The following ASTN1 variants were observed in gnomAD, a reference collection of about 807,000 sequenced individuals.
ASTN1 encodes astrotactin 1, also known as astrotactin-1.
Under a neutral mutation model 140.7 loss-of-function variants are expected in ASTN1, and 41 were observed. The observed-to-expected ratio is 0.29, with a 90% confidence interval of 0.23 to 0.38. ASTN1 has a LOEUF of 0.38. Ranked by LOEUF, ASTN1 falls within the 10% of genes least tolerant of loss-of-function variation. The pLI, the probability that ASTN1 is intolerant of heterozygous loss-of-function variation, is 1.00. For synonymous variants in ASTN1, 640 were observed against 652.2 expected, an observed-to-expected ratio of 0.98 and a Z score of 0.29; for missense variants, 1,479 against 1,678.8, an observed-to-expected ratio of 0.88 and a Z score of 2.08.
chr1:176,978,753 G>T (rs1303249699), intron 8 of ASTN1, among the ~76,000 whole-genome samples: 1 of 152,134 alleles, frequency 6.6e-6, no homozygotes, highest in Non-Finnish European at 1.5e-5. Flanking sequence ...ACATTTAGAA[G>T]AGAGGCAAGT....
In ASTN1 at chr1:177,151,661, T is replaced by C. The variant is rs371503202; in HGVS notation, c.283+12733A>G. On this transcript the variant is annotated intron_variant, in intron 1 of 22. Transcript: ENST00000361833. ...TTGCCTGAGAGAGAATAAGCTTTTC[T>C]TCTTTAAGTCACTTCCTAAGAACTC... 4.6e-5 allele frequency among the ~76,000 whole-genome samples: 7 copies of C among 152,310 alleles called. No homozygotes were observed. In the East Asian group the frequency reaches 1.2e-3, roughly 25 times the overall value.
intron 8 of ASTN1, among the ~76,000 whole-genome samples, chr1:177,000,180 T>C (rs10913287): frequency 0.35 from 52,806 of 152,106 alleles, 9,978 homozygotes; most frequent in Non-Finnish European, 0.43. Flanking sequence ...TTTGCCTTTT[T>C]GACAACAGTT....
Position 177,164,604 on chromosome 1 carries a change from C to T in ASTN1, c.73G>A (p.Gly25Ser), listed in dbSNP as rs1479849947. 6.2e-7 allele frequency: 1 copy of T among 1,611,854 alleles called. No individual in the cohort carries two copies. Among genetic ancestry groups the T allele is most frequent in the East Asian group, 2.2e-5 (1 of 44,756 alleles). The change falls in exon 1 of 23, where the codon GGC (glycine) becomes AGC (serine). Residue 25 changes from glycine (G) to serine (S), a missense_variant. Physicochemically the swap from Gly to Ser is moderately conservative, Grantham distance 56 (BLOSUM62 0). This residue lies in a region of ASTN1 where 729 missense variants were observed against 860.4 expected (regional missense o/e 0.85). Transcript: ENST00000361833. Reference sequence around the variant, plus strand: ...AGCTCCTTGGATGGATCCACGTCGCCGGCGGCCGTGGCCAGCACCGCCGCC... The same window carrying T: ...AGCTCCTTGGATGGATCCACGTCGCTGGCGGCCGTGGCCAGCACCGCCGCC... ...GPAAVLATAA[G>S]DVDPSKELEC...
chr1:177,129,509 C>A (rs1404964188), intron 1 of ASTN1, among the ~76,000 whole-genome samples: 1 of 152,092 alleles, frequency 6.6e-6, no homozygotes, highest in Non-Finnish European at 1.5e-5. Context: ...GGCTGAATAT[C>A]TTTGTTTAGC....
intron 7 of ASTN1, among the ~76,000 whole-genome samples, chr1:177,018,303 A>T (rs1400379659): frequency 6.6e-6 from 1 of 152,172 alleles, no homozygotes; most frequent in Non-Finnish European, 1.5e-5. Flanking sequence ...CAAAATCGGG[A>T]CTGAGCTACC....
chr1:176,985,845 T>TAC (rs60769752), intron 8 of ASTN1, among the ~76,000 whole-genome samples: 15,218 of 129,602 alleles, frequency 0.12, 935 homozygotes, highest in Middle Eastern at 0.15. Flanking sequence ...TCTCTCTCTC[T>TAC]ACACACACAC....
intron 1 of ASTN1, among the ~76,000 whole-genome samples, chr1:177,093,340 CTG>C (rs1679861553): frequency 6.6e-6 from 1 of 152,160 alleles, no homozygotes; most frequent in Admixed American, 6.5e-5. Context: ...TGTCAGGACA[CTG>C]TACGTGATAT....
chr1:177,156,124 G>C (rs1683222932), intron 1 of ASTN1, among the ~76,000 whole-genome samples: 1 of 152,010 alleles, frequency 6.6e-6, no homozygotes, highest in Non-Finnish European at 1.5e-5. Context: ...ACAAAAATTA[G>C]CTGGGTGTGG....
At chr1:176,859,986 C>T (rs145861996), downstream of ASTN1, among the ~76,000 whole-genome samples, 2 of 152,206 alleles carry the variant, frequency 1.3e-5, no homozygotes, top group East Asian at 3.9e-4. Flanking sequence ...CTTCATTCAC[C>T]TGTTTGGTTC....
At chr1:176,926,124 C>T (rs1670958140) in intron 16 of ASTN1, among the ~76,000 whole-genome samples, 1 of 151,952 alleles carries the variant, frequency 6.6e-6, no homozygotes, top group Non-Finnish European at 1.5e-5. Context: ...TCTTTTTAAT[C>T]CTGACTCTAT....
chr1:177,149,519 G>C lies in ASTN1; in HGVS notation c.283+14875C>G, dbSNP rs1460242715. ...AGTATATATATAGTAAATATATATA[G>C]TATATATATAGTAAATATATATAGT... On this transcript the variant is annotated intron_variant, in intron 1 of 22. Transcript: ENST00000361833. Among the ~76,000 whole-genome samples, 13 of 68,046 alleles carry C rather than the reference G, an allele frequency of 1.9e-4. 1 individual carries two copies. Among genetic ancestry groups the C allele is most frequent in the African/African-American group, 7.0e-4 (8 of 11,400 alleles). 44.6% of individuals were successfully genotyped at this position (68,046 alleles called of 152,430 possible).
At chr1:177,127,658 T>G (rs577440958) in intron 1 of ASTN1, among the ~76,000 whole-genome samples, 3 of 152,300 alleles carry the variant, frequency 2.0e-5, no homozygotes, top group Admixed American at 2.0e-4. Flanking sequence ...CCTCTGAAGA[T>G]CCCTGGGTAT....
intron 8 of ASTN1, among the ~76,000 whole-genome samples, chr1:177,008,872 A>C (rs768135449): frequency 2.0e-5 from 3 of 152,124 alleles, no homozygotes; most frequent in Non-Finnish European, 4.4e-5. Flanking sequence ...GAGATAAAGA[A>C]ACAGCCATAG....
intron 1 of ASTN1, among the ~76,000 whole-genome samples, chr1:177,109,569 A>G (rs539250233): frequency 6.6e-6 from 1 of 152,286 alleles, no homozygotes; most frequent in Non-Finnish European, 1.5e-5. Flanking sequence ...TATATTATCT[A>G]TAAAATTAAG....
chr1:177,084,568 A>G (rs549790263), intron 1 of ASTN1, among the ~76,000 whole-genome samples: 1 of 151,874 alleles, frequency 6.6e-6, no homozygotes, highest in Non-Finnish European at 1.5e-5. Context: ...TTTTCATTTC[A>G]TACTCTTTCC....
chr1:177,123,205 G>T (rs1681484839), intron 1 of ASTN1, among the ~76,000 whole-genome samples: 1 of 152,122 alleles, frequency 6.6e-6, no homozygotes, highest in Admixed American at 6.5e-5. Flanking sequence ...ATTATTAGTG[G>T]TCCCACGCAA....
chr1:177,148,296 T>A (rs543665084), intron 1 of ASTN1, among the ~76,000 whole-genome samples: 56 of 151,870 alleles, frequency 3.7e-4, no homozygotes, highest in Non-Finnish European at 5.4e-4. Flanking sequence ...CGGGCACCTG[T>A]AGTCCCAGCT....
chr1:176,894,776 G>C lies in ASTN1; in HGVS notation c.2726C>G (p.Thr909Arg). 2 of 1,614,196 alleles carry C rather than the reference G, an allele frequency of 1.2e-6. No homozygotes were observed. Among genetic ancestry groups the C allele is most frequent in the Non-Finnish European group, 1.7e-6 (2 of 1,180,030 alleles). ...CAAGCTGGTGATGTATTCTGGGAAT[G>C]TCAGCACCTTGGGGTCTCTTTCCCG... ...EERERDPKVL[T>R]FPEYITSLSD... The change falls in exon 17 of 23, where the codon ACA (threonine) becomes AGA (arginine). Residue 909 changes from threonine to arginine, a missense_variant. This residue lies in a region of ASTN1 where 746 missense variants were observed against 800.9 expected (regional missense o/e 0.93). Transcript: ENST00000361833.
Position 176,949,670 on chromosome 1 carries a change from G to A in ASTN1, c.1888-319C>T, listed in dbSNP as rs909132332. Among the ~76,000 whole-genome samples, 17 of 152,368 alleles carry A rather than the reference G, an allele frequency of 1.1e-4. 1 individual carries two copies. Among genetic ancestry groups the A allele is most frequent in the Admixed American group, 9.8e-4 (15 of 15,306 alleles). ...TCCCAAATGGGCCTCTGGCTGGCAG[G>A]AGAGTGGAAGTGATGGGCCAGAATG... On this transcript the variant is annotated intron_variant, in intron 11 of 22. Coordinates refer to ENST00000361833, the MANE Select transcript of ASTN1 (RefSeq NM_004319.3).
Sources: gnomAD v4.1 joint callset for allele counts (sites outside exome capture counted in the v4.1 genomes callset) on GRCh38, gnomAD v4.1.1 for gene constraint, gnomAD v4.1.1 regional missense constraint, MANE v1.5 for transcripts, NCBI Gene and HGNC (gene_info 2026-07-23, HGNC 2026-07-21) for gene names.